GLI2: variants seen among roughly 807,000 people sequenced by gnomAD.
GLI2 encodes the protein GLI family zinc finger 2, also known as transcription activator GLI2.
In GLI2, 22 loss-of-function variants were observed where a neutral mutation model predicts 78.9. The ratio of observed to expected loss-of-function variants is 0.28; its 90% CI spans 0.20 to 0.40. GLI2 has a LOEUF of 0.40. GLI2 is among the 10% of genes least tolerant of loss of function. GLI2 has a pLI of 1.00. For missense variants in GLI2, 2,097 were observed against 2,213.2 expected (o/e 0.95, Z 1.05); for synonymous variants, 974 against 963.7 (o/e 1.01, Z -0.20).
At chr2:120,872,921 C>T (rs750381551) in intron 2 of GLI2, among the ~76,000 whole-genome samples, 1 of 152,152 alleles carries the variant, frequency 6.6e-6, no homozygotes, top group Non-Finnish European at 1.5e-5. Flanking sequence ...CATTTGATGG[C>T]AATAGTAATA....
chr2:120,903,678 G>A (rs895157460), intron 2 of GLI2, among the ~76,000 whole-genome samples: 14 of 152,200 alleles, frequency 9.2e-5, no homozygotes, highest in Admixed American at 9.2e-4. Context: ...GTGCAAGGTG[G>A]GTGAGTCTCT....
chr2:120,955,418 A>G lies in GLI2; in HGVS notation c.631A>G (p.Asn211Asp), dbSNP rs1157846277. ...CGCACCCCATCTCCACGACTACCTC[A>G]ACCCCGTGGACGGTGAGTGCTGGCC... ...ASAPHLHDYL[N>D]PVDVSRFSSP... The change falls in exon 5 of 14, where the codon AAC becomes GAC. Residue 211 changes from asparagine (N) to aspartate (D), a missense_variant. This residue lies in a region of GLI2 where 578 missense variants were observed against 612.0 expected (regional missense o/e 0.94). Coordinates refer to ENST00000361492, the MANE Select transcript of GLI2 (RefSeq NM_001374353.1). 4 of 1,602,398 alleles carry G rather than the reference A, an allele frequency of 2.5e-6. No homozygotes were observed. The highest frequency in any genetic ancestry group is 3.4e-6 in the Non-Finnish European group (4 of 1,172,068).
Position 120,819,282 on chromosome 2 carries a change from C to T in GLI2, c.148+21814C>T, listed in dbSNP as rs1685654105. On this transcript the variant is annotated intron_variant, in intron 2 of 13. Transcript: ENST00000361492. ...TTTGAGATGGAGTCACTCTGTTGTC[C>T]AAGCTGGAGTGCAATGGTGTGATCT... is the stretch of plus-strand genomic sequence containing the variant. Among the ~76,000 whole-genome samples, 4 of 140,654 alleles carry T rather than the reference C, an allele frequency of 2.8e-5. 1 individual carries two copies. In the Admixed American group the frequency reaches 2.9e-4, roughly 10 times the overall value. The allele number at this position is 140,654 out of a possible 152,430, so 92.3% of individuals were successfully genotyped here.
intron 1 of GLI2, among the ~76,000 whole-genome samples, chr2:120,738,873 C>T (rs1045216962): frequency 1.2e-4 from 19 of 152,190 alleles, no homozygotes; most frequent in African/African-American, 4.3e-4. Context: ...ACTCTTGACT[C>T]GTGGCTTCCT....
In GLI2 at chr2:120,989,424, C is replaced by G. The variant is rs774621936; in HGVS notation, c.3459C>G (p.Asn1153Lys). Reference sequence around the variant, plus strand: ...AGCCTCCACCCTTTCCTCAGGGCAACCTGGCGGTGGTGCAGCAGAAGCCTG... The same window carrying G: ...AGCCTCCACCCTTTCCTCAGGGCAAGCTGGCGGTGGTGCAGCAGAAGCCTG... ...QVKPPPFPQG[N>K]LAVVQQKPAF... Residue 1153 changes from asparagine (N) to lysine (K), a missense_variant, in exon 14 of 14, where the codon AAC becomes AAG. Transcript: ENST00000361492. 1 of 1,613,124 alleles carries G rather than the reference C, an allele frequency of 6.2e-7. No individual in the cohort carries two copies. The highest frequency in any genetic ancestry group is 8.5e-7 in the Non-Finnish European group (1 of 1,180,012).
Position 120,989,454 on chromosome 2 carries a change from T to C in GLI2, c.3489T>C (p.Phe1163=), listed in dbSNP as rs766031476. Residue 1163 remains phenylalanine (F), a synonymous_variant, in exon 14 of 14, where the codon TTT becomes TTC. Coordinates refer to ENST00000361492, the MANE Select transcript of GLI2 (RefSeq NM_001374353.1). ...CGGTGGTGCAGCAGAAGCCTGCCTT[T>C]GGCCAGTACCCGGGCTACAGTCCGC... The part of the protein sequence containing the change: ...NLAVVQQKPA[F]GQYPGYSPQG... The C allele has an allele frequency of 8.1e-6, 13 of 1,613,096 alleles. No individual in the cohort carries two copies. The Admixed American group carries it at 2.0e-4, about 25-fold the overall frequency.
intron 2 of GLI2, among the ~76,000 whole-genome samples, chr2:120,919,619 C>G (rs921991215): frequency 6.6e-6 from 1 of 152,264 alleles, no homozygotes; most frequent in Non-Finnish European, 1.5e-5. Flanking sequence ...AGGAGTCTCT[C>G]TCCACGTGGC....
At chr2:120,747,803 T>C (rs1380064140) in intron 1 of GLI2, among the ~76,000 whole-genome samples, 2 of 152,208 alleles carry the variant, frequency 1.3e-5, no homozygotes, top group East Asian at 3.8e-4. Flanking sequence ...ACAGTGGGGC[T>C]GTCAAAGCAG....
intron 11 of GLI2, among the ~76,000 whole-genome samples, chr2:120,983,663 G>A (rs1485055410): frequency 6.6e-6 from 1 of 152,224 alleles, no homozygotes; most frequent in African/African-American, 2.4e-5. Flanking sequence ...TGGGCTGAGA[G>A]AACCAGGGAG....
chr2:120,898,203 C>CACACAT (rs937492813), intron 2 of GLI2, among the ~76,000 whole-genome samples: 1 of 149,214 alleles, frequency 6.7e-6, no homozygotes, highest in African/African-American at 2.4e-5. Context: ...CACACACACA[C>CACACAT]ACACACACAC....
At chr2:120,940,837 T>C (rs4848654) in intron 3 of GLI2, among the ~76,000 whole-genome samples, 131,376 of 152,252 alleles carry the variant, frequency 0.86, 59,535 homozygotes, top group East Asian at 1. Flanking sequence ...ATGTGGGGCA[T>C]AGCACTTGTC....
chr2:120,900,274 T>C (rs1678189950), intron 2 of GLI2, among the ~76,000 whole-genome samples: 1 of 152,164 alleles, frequency 6.6e-6, no homozygotes, highest in South Asian at 2.1e-4. Context: ...AAACCAGTGC[T>C]TCCCAAACTT....
intron 2 of GLI2, among the ~76,000 whole-genome samples, chr2:120,857,241 T>C (rs1008540264): frequency 6.6e-6 from 1 of 152,068 alleles, no homozygotes; most frequent in East Asian, 1.9e-4. Context: ...GACAGAGAGA[T>C]GACAGGAGGA....
intron 13 of GLI2, 116 bp from the exon 14 acceptor site, chr2:120,988,092 T>C: frequency 1.3e-6 from 1 of 795,608 alleles, no homozygotes; most frequent in Non-Finnish European, 1.9e-6. Flanking sequence ...ATCTCCTGAG[T>C]GCGCTGTGTT....
intron 2 of GLI2, among the ~76,000 whole-genome samples, chr2:120,899,627 C>T (rs10205868): frequency 0.025 from 3,830 of 152,248 alleles, 131 homozygotes; most frequent in African/African-American, 0.076. Flanking sequence ...GTCACAGCAG[C>T]GTCTCAGAAG....
chr2:120,818,280 T>C (rs1352212796), intron 2 of GLI2, among the ~76,000 whole-genome samples: 1 of 152,236 alleles, frequency 6.6e-6, no homozygotes, highest in Non-Finnish European at 1.5e-5. Context: ...TGGGTACATT[T>C]AGGGCTCTTG....
chr2:120,869,262 G>T (rs1386893142), intron 2 of GLI2, among the ~76,000 whole-genome samples: 1 of 152,174 alleles, frequency 6.6e-6, no homozygotes, highest in Non-Finnish European at 1.5e-5. Flanking sequence ...GTGGTCAGGG[G>T]GCTGGGCCCT....
At chr2:120,829,293 C>T (rs991741021) in intron 2 of GLI2, among the ~76,000 whole-genome samples, 2 of 152,238 alleles carry the variant, frequency 1.3e-5, no homozygotes, top group Non-Finnish European at 2.9e-5. Context: ...CTTCCATAAA[C>T]GATCTCTTTC....
At chr2:120,874,577 C>T (rs918281348) in intron 2 of GLI2, among the ~76,000 whole-genome samples, 6 of 152,186 alleles carry the variant, frequency 3.9e-5, no homozygotes, top group South Asian at 4.1e-4. Context: ...TGAATGTCTA[C>T]GGGTGGCATC....
Sources: allele counts gnomAD v4.1 joint callset (sites outside exome capture counted in the v4.1 genomes callset), GRCh38; gene constraint gnomAD v4.1.1; regional missense constraint gnomAD v4.1.1; transcripts MANE v1.5; gene names NCBI Gene and HGNC (gene_info 2026-07-23, HGNC 2026-07-21).